The following EZH2 variants were observed in gnomAD, a reference collection of about 807,000 sequenced individuals.
EZH2 encodes histone-lysine N-methyltransferase EZH2.
EZH2 carries 18 observed loss-of-function variants against 98.4 expected under a neutral mutation model. The observed-to-expected ratio is 0.18, with a 90% confidence interval of 0.13 to 0.27. The LOEUF (loss-of-function observed/expected upper bound fraction) is 0.27. EZH2 is among the 10% of genes least tolerant of loss of function. EZH2 has a pLI of 1.00. For synonymous variants in EZH2, 338 were observed against 312.3 expected (o/e 1.08, Z -0.87); for missense variants, 470 against 935.1 (o/e 0.50, Z 6.49).
chr7:148,833,484 AATAAAAAG>A (rs2129478399), intron 3 of EZH2, among the ~76,000 whole-genome samples: 2 of 152,002 alleles, frequency 1.3e-5, no homozygotes, highest in African/African-American at 2.4e-5. Context: ...AATAAAATAA[AATAAAAAG>A]AATAAGAAAA....
At chr7:148,834,895 T>G (rs1358188650) in intron 3 of EZH2, among the ~76,000 whole-genome samples, 1 of 152,226 alleles carries the variant, frequency 6.6e-6, no homozygotes. Flanking sequence ...ATTACAACCT[T>G]ATGGTGTAGT....
intron 1 of EZH2, among the ~76,000 whole-genome samples, 167 bp from the exon 2 acceptor site, chr7:148,847,472 A>G (rs1442924679): frequency 6.6e-6 from 1 of 152,218 alleles, no homozygotes; most frequent in Non-Finnish European, 1.5e-5. Context: ...AATCCTTAAA[A>G]CACTTCATTG....
chr7:148,822,170 T>A (rs1441915752), intron 8 of EZH2, among the ~76,000 whole-genome samples: 1 of 152,168 alleles, frequency 6.6e-6, no homozygotes, highest in Non-Finnish European at 1.5e-5. Flanking sequence ...CGCTTTATAA[T>A]CTTGGAATGG....
rs1818486611 is a variant in EZH2 at position 148,866,519 on chromosome 7, T to TGTATATACATACATATAC, written c.-8+17644_-8+17645insGTATATGTATGTATATAC. ...ATATATACGTATATACATATATATG[T>TGTATATACATACATATAC]GTATATACATATATATACGTATATA... On this transcript the variant is annotated intron_variant, in intron 1 of 19. Coordinates refer to ENST00000320356, the MANE Select transcript of EZH2 (RefSeq NM_004456.5). Among the ~76,000 whole-genome samples, 22 of 70,530 alleles carry TGTATATACATACATATAC rather than the reference T, an allele frequency of 3.1e-4. No individual in the cohort carries two copies. In the Admixed American group the frequency reaches 3.9e-3, roughly 13 times the overall value. 46.3% of individuals were successfully genotyped at this position (70,530 alleles called of 152,430 possible). A position where few individuals can be genotyped will look rare whatever the true frequency, so the allele number is the denominator to read the frequency against.
At chr7:148,820,559 A>G (rs1408464435) in intron 8 of EZH2, among the ~76,000 whole-genome samples, 1 of 152,144 alleles carries the variant, frequency 6.6e-6, no homozygotes, top group Non-Finnish European at 1.5e-5. Flanking sequence ...AGGAAAAAAA[A>G]AAAAAAGGAC....
chr7:148,873,298 T>C (rs1302257629), intron 1 of EZH2, among the ~76,000 whole-genome samples: 2 of 151,800 alleles, frequency 1.3e-5, no homozygotes, highest in Non-Finnish European at 2.9e-5. Context: ...TCAAGACCAG[T>C]CTGGCCAACA....
chr7:148,848,070 C>T (rs926436181), intron 1 of EZH2, among the ~76,000 whole-genome samples: 8 of 152,192 alleles, frequency 5.3e-5, no homozygotes, highest in African/African-American at 1.9e-4. Context: ...TCTAAACAAG[C>T]GTCTTTTCCT....
chr7:148,851,956 CTG>C (rs767846891), intron 1 of EZH2, among the ~76,000 whole-genome samples: 53 of 152,320 alleles, frequency 3.5e-4, no homozygotes, highest in Non-Finnish European at 5.7e-4. Flanking sequence ...TGAATGGACA[CTG>C]TGTAAATACA....
At position 148,829,717 on chromosome 7, in the gene EZH2, A is replaced by G. The variant is rs1314346202; in HGVS notation, c.484+11T>C. Reference sequence around the variant, plus strand: ...AGCCCCTTTTTCCAAGAGAAGAAGCATATGGCTCACCTCTATCCCCGTGTA... The same window carrying G: ...AGCCCCTTTTTCCAAGAGAAGAAGCGTATGGCTCACCTCTATCCCCGTGTA... On this transcript the variant is annotated intron_variant, in intron 5 of 19. Transcript: ENST00000320356. 1 of 1,607,518 alleles carries G rather than the reference A, an allele frequency of 6.2e-7. No homozygotes were observed. Among genetic ancestry groups the G allele is most frequent in the Non-Finnish European group, 8.5e-7 (1 of 1,178,292 alleles).
At chr7:148,812,955 A>C (rs1225110226) in intron 15 of EZH2, among the ~76,000 whole-genome samples, 1 of 152,196 alleles carries the variant, frequency 6.6e-6, no homozygotes, top group Non-Finnish European at 1.5e-5. Context: ...TGCCTGGAGC[A>C]GAATTTCTGG....
intron 8 of EZH2, among the ~76,000 whole-genome samples, chr7:148,824,969 CAAA>C (rs565789213): frequency 7.0e-6 from 1 of 143,592 alleles, no homozygotes; most frequent in African/African-American, 2.6e-5. Flanking sequence ...TTCAAGTTAA[CAAA>C]AAAAAAAATT....
chr7:148,815,487 G>C lies in EZH2; in HGVS notation c.1546+19C>G, dbSNP rs1350509815. 21 of 1,609,120 alleles carry C rather than the reference G, an allele frequency of 1.3e-5. No individual in the cohort carries two copies. Among genetic ancestry groups the C allele is most frequent in the Non-Finnish European group, 1.5e-5 (18 of 1,175,454 alleles). ...AGATATTGTTAAGCTAATAATGAGA[G>C]GAATGGAAAGATGCTAACCCTTTTT... On this transcript the variant is annotated intron_variant, in intron 13 of 19. Coordinates refer to ENST00000320356, the MANE Select transcript of EZH2 (RefSeq NM_004456.5).
intron 3 of EZH2, among the ~76,000 whole-genome samples, chr7:148,843,753 G>A (rs931652889): frequency 6.6e-6 from 1 of 151,426 alleles, no homozygotes; most frequent in Admixed American, 6.6e-5. Context: ...CCGCTACCAC[G>A]CCCGGCTAAT....
At position 148,816,908 on chromosome 7, in the gene EZH2, C is replaced by T. The variant is rs537873473; in HGVS notation, c.1411-130G>A. On this transcript the variant is annotated intron_variant, in intron 11 of 19. Transcript: ENST00000320356. ...TGCTAGATGCTGGGGATATAACACA[C>T]ATCGCTGTCCCTACCCTCACATTAG... 36 of 684,226 alleles carry T rather than the reference C, an allele frequency of 5.3e-5. No individual in the cohort carries two copies. In the Admixed American group the frequency reaches 7.5e-4, roughly 14 times the overall value. 42.4% of individuals were successfully genotyped at this position (684,226 alleles called of 1,614,324 possible). A position where few individuals can be genotyped will look rare whatever the true frequency, so the allele number is the denominator to read the frequency against.
intron 1 of EZH2, among the ~76,000 whole-genome samples, chr7:148,878,897 CA>C (rs1336074463): frequency 1.4e-5 from 2 of 146,360 alleles, no homozygotes; most frequent in African/African-American, 2.5e-5. Flanking sequence ...ACCCTGTCTC[CA>C]AAAAAAAATT....
chr7:148,839,107 A>G (rs546429088), intron 3 of EZH2, among the ~76,000 whole-genome samples: 2 of 150,064 alleles, frequency 1.3e-5, no homozygotes, highest in African/African-American at 5.0e-5. Flanking sequence ...GAAGGAAGGA[A>G]AGTGAGTGAG....
At chr7:148,834,114 A>G (rs936877924) in intron 3 of EZH2, among the ~76,000 whole-genome samples, 1 of 152,160 alleles carries the variant, frequency 6.6e-6, no homozygotes, top group African/African-American at 2.4e-5. Context: ...AAAATGTGAA[A>G]AATTTTGCAT....
intron 1 of EZH2, chr7:148,883,607 C>T (rs1821351773): frequency 6.7e-6 from 1 of 150,044 alleles, no homozygotes; most frequent in Admixed American, 6.6e-5. Context: ...CAGCGGCCCG[C>T]GCCTCCCCAC....
intron 15 of EZH2, 71 bp downstream of exon 15, chr7:148,813,888 A>C (rs1803853539): frequency 6.7e-7 from 1 of 1,482,640 alleles, no homozygotes; most frequent in Non-Finnish European, 9.2e-7. Context: ...AAATCATCTA[A>C]GGCAATCCTG....
Sources: allele counts gnomAD v4.1 joint callset (sites outside exome capture counted in the v4.1 genomes callset), GRCh38; gene constraint gnomAD v4.1.1; transcripts MANE v1.5; gene names NCBI Gene and HGNC (gene_info 2026-07-23, HGNC 2026-07-21).